RBMS3: variants seen among roughly 807,000 people sequenced by gnomAD.
The protein encoded by RBMS3 is RNA-binding motif, single-stranded-interacting protein 3.
A neutral mutation model predicts 66.8 loss-of-function variants in RBMS3; 27 were observed. That is an observed-to-expected ratio of 0.40 (90% confidence interval 0.30 to 0.56). The LOEUF is 0.56. Ranked by LOEUF, RBMS3 falls within the 20% of genes least tolerant of loss-of-function variation. The pLI, the probability that RBMS3 is intolerant of heterozygous loss-of-function variation, is 0.40. For missense variants in RBMS3, 513 were observed against 549.5 expected (o/e 0.93, Z 0.66); for synonymous variants, 188 against 183.0 (o/e 1.03, Z -0.22).
At chr3:29,905,971 A>G (rs772886547) in intron 10 of RBMS3, among the ~76,000 whole-genome samples, 6 of 152,082 alleles carry the variant, frequency 3.9e-5, no homozygotes, top group Non-Finnish European at 7.4e-5. Flanking sequence ...AATGCATTTT[A>G]TGAAGTTAAA....
chr3:29,406,110 C>T lies in RBMS3; in HGVS notation c.76-28633C>T, dbSNP rs140619897. On this transcript the variant is annotated intron_variant, in intron 1 of 14. Transcript: ENST00000383767. ...TACTGTCAGTCATTGTGATGTTTGC[C>T]TAGAGGCAAATTAAATTAGGTATCT... 1.4e-4 allele frequency among the ~76,000 whole-genome samples: 22 copies of T among 152,220 alleles called. No homozygotes were observed. In the East Asian group the frequency reaches 4.3e-3, roughly 29 times the overall value.
intron 4 of RBMS3, chr3:29,731,082 C>A: frequency 1.1e-6 from 1 of 945,812 alleles, no homozygotes; most frequent in South Asian, 4.9e-5. Context: ...ATTGAAGGCT[C>A]CTCAATTGAT....
chr3:29,995,528 C>A (rs1423500669), intron 14 of RBMS3, among the ~76,000 whole-genome samples: 1 of 150,946 alleles, frequency 6.6e-6, no homozygotes, highest in Non-Finnish European at 1.5e-5. Context: ...GGTCGGGTTA[C>A]CCTCAAAGGG....
intron 10 of RBMS3, among the ~76,000 whole-genome samples, chr3:29,929,571 G>A (rs1234921233): frequency 2.8e-5 from 4 of 143,416 alleles, no homozygotes; most frequent in African/African-American, 7.4e-5. Flanking sequence ...TGGCTTTAGT[G>A]TCTATTAATA....
At chr3:29,440,455 T>G (rs1366284343) in intron 2 of RBMS3, among the ~76,000 whole-genome samples, 5 of 152,182 alleles carry the variant, frequency 3.3e-5, no homozygotes, top group Non-Finnish European at 5.9e-5. Context: ...GGGAAACTCT[T>G]GGGTAGGTAC....
chr3:29,816,301 GAC>G (rs1272764498), intron 6 of RBMS3, among the ~76,000 whole-genome samples: 2 of 135,848 alleles, frequency 1.5e-5, no homozygotes, highest in African/African-American at 2.7e-5. Context: ...GACACACACA[GAC>G]ACACACAGAC....
At chr3:29,640,167 A>G (rs2049641583) in intron 4 of RBMS3, among the ~76,000 whole-genome samples, 1 of 151,836 alleles carries the variant, frequency 6.6e-6, no homozygotes, top group Admixed American at 6.6e-5. Flanking sequence ...AACTATGCCA[A>G]GTATTTCCCC....
At chr3:29,965,725 T>C (rs1321708192) in intron 12 of RBMS3, among the ~76,000 whole-genome samples, 1 of 152,190 alleles carries the variant, frequency 6.6e-6, no homozygotes, top group African/African-American at 2.4e-5. Context: ...AAAAGCATCT[T>C]AGTTTAATTA....
At chr3:29,554,445 C>T (rs2046278469) in intron 3 of RBMS3, among the ~76,000 whole-genome samples, 1 of 152,128 alleles carries the variant, frequency 6.6e-6, no homozygotes, top group Non-Finnish European at 1.5e-5. Context: ...GCAGACATAA[C>T]AAACATAAAA....
chr3:29,616,779 A>T (rs1037436707), intron 4 of RBMS3: 1 of 152,324 alleles, frequency 6.6e-6, no homozygotes, highest in South Asian at 2.1e-4. Context: ...TAAATAGAAT[A>T]TGTTTCATCA....
At chr3:29,934,523 T>C (rs554083257) in intron 10 of RBMS3, among the ~76,000 whole-genome samples, 5 of 152,192 alleles carry the variant, frequency 3.3e-5, no homozygotes, top group Non-Finnish European at 7.4e-5. Flanking sequence ...GAAAGAAAAG[T>C]GATGTGTCTC....
At chr3:29,813,654 G>A (rs576789149) in intron 6 of RBMS3, among the ~76,000 whole-genome samples, 12 of 151,246 alleles carry the variant, frequency 7.9e-5, no homozygotes, top group Non-Finnish European at 1.2e-4. Flanking sequence ...CTTTTTTTTC[G>A]TTGAGCCGTG....
intron 4 of RBMS3, among the ~76,000 whole-genome samples, chr3:29,609,426 G>C (rs978773524): frequency 2.0e-5 from 3 of 151,940 alleles, no homozygotes; most frequent in Non-Finnish European, 4.4e-5. Flanking sequence ...CAGTGATTCT[G>C]GGCATCCTAA....
intron 1 of RBMS3, among the ~76,000 whole-genome samples, chr3:29,315,740 T>C (rs1559482139): frequency 6.6e-6 from 1 of 151,742 alleles, no homozygotes; most frequent in Non-Finnish European, 1.5e-5. Flanking sequence ...CTAGTTGCTA[T>C]ATTTTGGTAC....
chr3:29,705,882 T>C (rs1222493432), intron 4 of RBMS3, among the ~76,000 whole-genome samples: 4 of 152,208 alleles, frequency 2.6e-5, no homozygotes, highest in Admixed American at 1.3e-4. Context: ...TAACAAACTG[T>C]GGTAATATCA....
chr3:29,283,892 T>C (rs2032036411), intron 1 of RBMS3, among the ~76,000 whole-genome samples: 1 of 152,132 alleles, frequency 6.6e-6, no homozygotes, highest in Non-Finnish European at 1.5e-5. Context: ...TTTTGAAACT[T>C]GCATAGAGAG....
chr3:30,001,833 A>G (rs1375987005), intron 14 of RBMS3, among the ~76,000 whole-genome samples: 1 of 151,016 alleles, frequency 6.6e-6, no homozygotes, highest in Non-Finnish European at 1.5e-5. Context: ...TAAAATGTCC[A>G]ACTTAAAATG....
chr3:29,629,361 A>G (rs1181712231), intron 4 of RBMS3, among the ~76,000 whole-genome samples: 3 of 152,108 alleles, frequency 2.0e-5, no homozygotes, highest in African/African-American at 7.2e-5. Flanking sequence ...AGCTGCCTCA[A>G]AGGAACATTG....
At chr3:29,559,559 C>G (rs1428389956) in intron 3 of RBMS3, among the ~76,000 whole-genome samples, 1 of 104,730 alleles carries the variant, frequency 9.5e-6, no homozygotes, top group Non-Finnish European at 1.9e-5. Context: ...AAAAACCTGA[C>G]TATTCATGTT....
Sources: allele counts gnomAD v4.1 joint callset (sites outside exome capture counted in the v4.1 genomes callset), GRCh38; gene constraint gnomAD v4.1.1; transcripts MANE v1.5; gene names NCBI Gene and HGNC (gene_info 2026-07-23, HGNC 2026-07-21).